Variants in DISC1 observed in about 807,000 individuals in gnomAD.
DISC1 encodes DISC1 scaffold protein.
Under a neutral mutation model 84.5 loss-of-function variants are expected in DISC1, and 57 were observed. That is an observed-to-expected ratio of 0.67 (90% CI 0.55 to 0.84). The LOEUF (loss-of-function observed/expected upper bound fraction) is 0.84. Ranked by LOEUF, DISC1 falls within the 40% of genes least tolerant of loss-of-function variation. The pLI, the probability that DISC1 is intolerant of heterozygous loss-of-function variation, is 0.00. For synonymous variants in DISC1, 411 were observed against 415.2 expected (o/e 0.99, Z 0.12); for missense variants, 1,000 against 1,057.8 (o/e 0.95, Z 0.76).
intron 9 of DISC1, among the ~76,000 whole-genome samples, chr1:231,872,127 G>A (rs1173952304): frequency 6.6e-6 from 1 of 152,182 alleles, no homozygotes; most frequent in Non-Finnish European, 1.5e-5. Flanking sequence ...CAAGGCGTGG[G>A]GATGTGATTG....
chr1:231,874,686 C>T (rs199867021), intron 9 of DISC1, among the ~76,000 whole-genome samples: 16 of 151,500 alleles, frequency 1.1e-4, no homozygotes, highest in South Asian at 2.1e-4. Context: ...CCGAGGTGGG[C>T]GGATCACGAG....
intron 3 of DISC1, chr1:231,745,474 G>A (rs1486900854): frequency 2.2e-5 from 5 of 228,352 alleles, no homozygotes; most frequent in South Asian, 8.7e-5. Context: ...CACCTGCTTC[G>A]GCCTCCCAAA....
intron 1 of DISC1, among the ~76,000 whole-genome samples, chr1:231,640,582 G>C (rs1288954769): frequency 6.7e-6 from 1 of 149,786 alleles, no homozygotes; most frequent in Non-Finnish European, 1.5e-5. Context: ...ATGCTGGAGT[G>C]CAGTGGCATG....
rs931507067 is a variant in DISC1 at position 231,767,280 on chromosome 1, G to A, written c.1398+11G>A. 12 of 1,614,138 alleles carry A rather than the reference G, an allele frequency of 7.4e-6. No individual in the cohort carries two copies. The highest frequency in any genetic ancestry group is 1.0e-5 in the Non-Finnish European group (12 of 1,180,014). Reference sequence around the variant, plus strand: ...AAGCAGCAGCTACAGGTGAGCAGGTGAAAGATCTTCAAGAAATATGATGGC... The same window carrying A: ...AAGCAGCAGCTACAGGTGAGCAGGTAAAAGATCTTCAAGAAATATGATGGC... On this transcript the variant is annotated intron_variant, in intron 5 of 12. Transcript: ENST00000439617.
chr1:231,726,811 C>T (rs901154492), intron 3 of DISC1, among the ~76,000 whole-genome samples: 7 of 152,136 alleles, frequency 4.6e-5, no homozygotes, highest in African/African-American at 9.7e-5. Flanking sequence ...AAAAGAGAGA[C>T]GGATGGACTG....
chr1:231,822,118 C>T (rs568517424), intron 9 of DISC1, among the ~76,000 whole-genome samples: 2 of 152,280 alleles, frequency 1.3e-5, no homozygotes, highest in South Asian at 4.1e-4. Context: ...TGATTTCGCA[C>T]TGTAACTCAG....
chr1:231,790,248 T>TA (rs1213714487), intron 6 of DISC1, among the ~76,000 whole-genome samples: 1 of 152,176 alleles, frequency 6.6e-6, no homozygotes, highest in African/African-American at 2.4e-5. Context: ...GCCCTAATAA[T>TA]ACCTATAACT....
chr1:231,699,677 TCTTA>T (rs1037813214), intron 2 of DISC1, among the ~76,000 whole-genome samples: 2 of 152,202 alleles, frequency 1.3e-5, no homozygotes, highest in Non-Finnish European at 2.9e-5. Context: ...CTTCTTCTGC[TCTTA>T]CTAACAGCAG....
chr1:232,021,333 T>TACACACACACAC (rs36231584), intron 11 of DISC1, among the ~76,000 whole-genome samples: 233 of 148,236 alleles, frequency 1.6e-3, no homozygotes, highest in Admixed American at 2.1e-3. Context: ...ACTTGTTCTA[T>TACACACACACAC]ACACACACAC....
rs377241532 is a variant in DISC1, at chr1:231,664,406, A to G, written c.68-29420A>G. On this transcript the variant is annotated intron_variant, in intron 1 of 12. Coordinates refer to ENST00000439617, the MANE Select transcript of DISC1 (RefSeq NM_018662.3). ...TCCCCCCAAAGATGTCTGCATCCCA[A>G]TCCTGGAACCTATGAATATTTTACC... is the stretch of plus-strand genomic sequence containing the variant. Among the ~76,000 whole-genome samples, 156 of 152,282 alleles carry G rather than the reference A, an allele frequency of 1.0e-3. 3 individuals carry two copies. The East Asian group carries it at 0.019, about 19-fold the overall frequency.
chr1:231,903,016 TCTCCTCTCTCTTCCTCCTC>T (rs1433275065), intron 9 of DISC1, among the ~76,000 whole-genome samples: 1 of 151,890 alleles, frequency 6.6e-6, no homozygotes, highest in Non-Finnish European at 1.5e-5. Flanking sequence ...TTCTTCTCCT[TCTCCTCTCTCTTCCTCCTC>T]CTCCTCTTCC....
At chr1:231,682,781 A>T (rs764478864) in intron 1 of DISC1, among the ~76,000 whole-genome samples, 1 of 152,220 alleles carries the variant, frequency 6.6e-6, no homozygotes, top group Non-Finnish European at 1.5e-5. Flanking sequence ...ATGTATTAAG[A>T]CTCAAAAATG....
intron 9 of DISC1, among the ~76,000 whole-genome samples, chr1:231,836,475 C>T (rs902824088): frequency 3.9e-5 from 6 of 152,126 alleles, no homozygotes; most frequent in African/African-American, 1.4e-4. Context: ...TCTGCATAAA[C>T]GATATACAGC....
At chr1:231,958,781 T>C (rs920048530) in intron 9 of DISC1, 47 bp from the exon 10 acceptor site, 3 of 1,563,034 alleles carry the variant, frequency 1.9e-6, no homozygotes, top group Admixed American at 1.7e-5. Context: ...TTTTATTCAA[T>C]TGTGACTGCA....
chr1:232,039,163 G>C lies in DISC1; in HGVS notation c.*2332G>C, dbSNP rs1036357118. On this transcript the variant is annotated 3_prime_UTR_variant, in exon 13 of 13. Transcript: ENST00000439617. ...TTGTGTCTAAAGAAAATTATGAACT[G>C]GTCACATGGCACTTGGAATCCTTGA... The C allele has an allele frequency of 2.0e-5, 3 of 152,170 alleles. No individual in the cohort carries two copies. Among genetic ancestry groups the C allele is most frequent in the Non-Finnish European group, 2.9e-5 (2 of 68,040 alleles). 9.4% of individuals were successfully genotyped at this position (152,170 alleles called of 1,614,324 possible).
intron 9 of DISC1, chr1:231,855,254 A>G: frequency 6.3e-6 from 6 of 953,364 alleles, no homozygotes; most frequent in Non-Finnish European, 7.3e-6. Context: ...AAGAATCACA[A>G]GAGTGTCTCA....
chr1:232,009,370 GTTATTATATTCACTATAGATTATA>G lies in DISC1; in HGVS notation c.2307+323_2307+346del. Reference sequence around the variant, plus strand: ...CATTATATATGTCATATATAATATAGTTATTATATTCACTATAGATTATATATGCCATACATGATATTTAACATA... The same window carrying G: ...CATTATATATGTCATATATAATATAGTATGCCATACATGATATTTAACATA... On this transcript the variant is annotated intron_variant, in intron 11 of 12. Transcript: ENST00000439617. The surrounding 1 kb of genome is among the most constrained non-coding windows in gnomAD (Gnocchi z 4.6). 1.2e-6 allele frequency: 1 copy of G among 829,190 alleles called. No individual in the cohort carries two copies. The highest frequency in any genetic ancestry group is 4.0e-5 in the South Asian group (1 of 25,242). The allele number at this position is 829,190 out of a possible 1,614,324, so 51.4% of individuals were successfully genotyped here.
At chr1:231,814,191 A>G (rs1178417570) in intron 8 of DISC1, among the ~76,000 whole-genome samples, 1 of 152,162 alleles carries the variant, frequency 6.6e-6, no homozygotes, top group Non-Finnish European at 1.5e-5. Flanking sequence ...TTTAAAAGGA[A>G]GTGTTCTGGG....
At chr1:231,964,762 A>G (rs1280230005) in intron 10 of DISC1, among the ~76,000 whole-genome samples, 1 of 152,226 alleles carries the variant, frequency 6.6e-6, no homozygotes, top group Non-Finnish European at 1.5e-5. Context: ...AAACAGTTTT[A>G]ACACCTGACA....
Sources: gnomAD v4.1 joint callset for allele counts (sites outside exome capture counted in the v4.1 genomes callset) on GRCh38, gnomAD v4.1.1 for gene constraint, Gnocchi (gnomAD v3.1) non-coding constraint, MANE v1.5 for transcripts, NCBI Gene and HGNC (gene_info 2026-07-23, HGNC 2026-07-21) for gene names.